ESRRG: variants seen among roughly 807,000 people sequenced by gnomAD.
ESRRG encodes estrogen-related receptor gamma.
Under a neutral mutation model 44.0 loss-of-function variants are expected in ESRRG, and 13 were observed. The ratio of observed to expected loss-of-function variants is 0.30; its 90% CI spans 0.19 to 0.47. The LOEUF is 0.47. Among genes scored for constraint, ESRRG ranks in the 20% least tolerant of loss-of-function variants. ESRRG has a pLI of 1.00. For synonymous variants in ESRRG, 215 were observed against 214.6 expected (o/e 1.00, Z -0.02); for missense variants, 395 against 580.6 (o/e 0.68, Z 3.29).
intron 1 of ESRRG, among the ~76,000 whole-genome samples, chr1:216,994,849 T>A (rs1248689697): frequency 3.9e-5 from 6 of 152,100 alleles, no homozygotes; most frequent in African/African-American, 1.4e-4. Context: ...CCTCTCAAAG[T>A]GCTGGGATTA....
intron 1 of ESRRG, among the ~76,000 whole-genome samples, chr1:217,025,971 G>A (rs952138343): frequency 1.3e-5 from 2 of 152,054 alleles, no homozygotes; most frequent in African/African-American, 2.4e-5. Flanking sequence ...AGAAGAAATA[G>A]CCAAAAAAGG....
intron 5 of ESRRG, among the ~76,000 whole-genome samples, chr1:216,542,114 G>A (rs1165237464): frequency 6.7e-6 from 1 of 150,338 alleles, no homozygotes; most frequent in African/African-American, 2.5e-5. Flanking sequence ...GAGAGAGATA[G>A]AATGTTTTCT....
chr1:217,038,425 G>A (rs1456106558), intron 1 of ESRRG, among the ~76,000 whole-genome samples: 2 of 152,194 alleles, frequency 1.3e-5, no homozygotes, highest in African/African-American at 4.8e-5. Context: ...CTCTATCCCA[G>A]GATAGATGGA....
Position 216,529,569 on chromosome 1 carries a change from G to A in ESRRG, c.863-10148C>T, listed in dbSNP as rs552272259. ...GCCTCTAAAACTCTTTAAAGCTGTC[G>A]AAGAGGCAATCCCAGCTGTAATTTT... On this transcript the variant is annotated intron_variant, in intron 5 of 6. Coordinates refer to ENST00000408911, the MANE Select transcript of ESRRG (RefSeq NM_001438.4). 6.6e-5 allele frequency among the ~76,000 whole-genome samples: 10 copies of A among 151,588 alleles called. No individual in the cohort carries two copies. The South Asian group carries it at 1.7e-3, about 25-fold the overall frequency.
intron 1 of ESRRG, among the ~76,000 whole-genome samples, chr1:216,961,884 T>A (rs946751193): frequency 6.6e-6 from 1 of 152,100 alleles, no homozygotes; most frequent in Non-Finnish European, 1.5e-5. Context: ...CACACACATA[T>A]ACGCACACAA....
chr1:217,062,799 C>T (rs1424105379), intron 1 of ESRRG, among the ~76,000 whole-genome samples: 1 of 152,158 alleles, frequency 6.6e-6, no homozygotes, highest in Non-Finnish European at 1.5e-5. Context: ...ACATCAAACA[C>T]TTTTACGGCT....
At position 216,561,088 on chromosome 1, in the gene ESRRG, T is replaced by G. The variant is rs186648124; in HGVS notation, c.862+3131A>C. Among the ~76,000 whole-genome samples, 309 of 152,238 alleles carry G rather than the reference T, an allele frequency of 2.0e-3. 3 individuals are homozygous for G. The Middle Eastern group carries it at 0.024, about 12-fold the overall frequency. ...GGTCATGTTTCATAACAACACACTTTCCCATTTATATGATTTATTAATGTA... is the reference window on the plus strand; with the variant it reads ...GGTCATGTTTCATAACAACACACTTGCCCATTTATATGATTTATTAATGTA... On this transcript the variant is annotated intron_variant, in intron 5 of 6. Transcript: ENST00000408911.
chr1:216,884,110 G>T (rs2096486652), intron 2 of ESRRG, among the ~76,000 whole-genome samples: 1 of 152,098 alleles, frequency 6.6e-6, no homozygotes, highest in African/African-American at 2.4e-5. Context: ...TCCCCTTTTG[G>T]CTTAGGAGGG....
chr1:216,859,516 G>A (rs1364814525), intron 2 of ESRRG, among the ~76,000 whole-genome samples: 1 of 152,182 alleles, frequency 6.6e-6, no homozygotes, highest in Non-Finnish European at 1.5e-5. Flanking sequence ...ATGCATGCAA[G>A]GAAACTATTG....
chr1:217,014,061 G>A (rs776646158), intron 1 of ESRRG, among the ~76,000 whole-genome samples: 6 of 151,948 alleles, frequency 3.9e-5, no homozygotes, highest in Admixed American at 6.6e-5. Context: ...TCTGCTTGGA[G>A]GATTCCTTTG....
chr1:216,571,178 G>T (rs2060712084), intron 3 of ESRRG, among the ~76,000 whole-genome samples: 1 of 152,126 alleles, frequency 6.6e-6, no homozygotes, highest in South Asian at 2.1e-4. Flanking sequence ...AATTGACAGG[G>T]TTTTTATTAT....
At chr1:216,719,315 G>A (rs890838635) in intron 1 of ESRRG, among the ~76,000 whole-genome samples, 3 of 151,954 alleles carry the variant, frequency 2.0e-5, no homozygotes, top group Non-Finnish European at 4.4e-5. Flanking sequence ...CGGCTAATGA[G>A]ATGGTCCTTA....
chr1:216,939,364 A>C (rs74490185), intron 2 of ESRRG, among the ~76,000 whole-genome samples: 47 of 133,778 alleles, frequency 3.5e-4, no homozygotes, highest in Admixed American at 9.5e-4. Context: ...AAAAAAAAAA[A>C]AAAAAACACT....
At chr1:216,633,486 T>C (rs1243233192) in intron 3 of ESRRG, among the ~76,000 whole-genome samples, 2 of 152,236 alleles carry the variant, frequency 1.3e-5, no homozygotes, top group East Asian at 3.8e-4. Flanking sequence ...ATTGTACATA[T>C]GCTGCATATA....
At chr1:217,008,053 A>T (rs2078008722) in intron 1 of ESRRG, among the ~76,000 whole-genome samples, 1 of 152,198 alleles carries the variant, frequency 6.6e-6, no homozygotes, top group Non-Finnish European at 1.5e-5. Flanking sequence ...AATGTATCCT[A>T]AAGTAGAACT....
At chr1:216,983,369 C>T (rs1229041718) in intron 1 of ESRRG, among the ~76,000 whole-genome samples, 2 of 151,582 alleles carry the variant, frequency 1.3e-5, no homozygotes, top group Non-Finnish European at 2.9e-5. Context: ...ATAGCTAGGA[C>T]TATAGGCATG....
chr1:216,868,522 A>G (rs2096209975), intron 2 of ESRRG, among the ~76,000 whole-genome samples: 1 of 152,180 alleles, frequency 6.6e-6, no homozygotes, highest in South Asian at 2.1e-4. Flanking sequence ...GCGCTGGTAT[A>G]AATAATTATA....
chr1:216,821,689 AAAATAAATAAATAAAT>A (rs199753545), intron 2 of ESRRG, among the ~76,000 whole-genome samples: 3,631 of 113,086 alleles, frequency 0.032, 341 homozygotes, highest in African/African-American at 0.07. Flanking sequence ...TGCCTCAGGA[AAAATAAATAAATAAAT>A]AAATAAATAA....
At chr1:216,626,815 C>A (rs1365546319) in intron 3 of ESRRG, among the ~76,000 whole-genome samples, 1 of 152,214 alleles carries the variant, frequency 6.6e-6, no homozygotes, top group African/African-American at 2.4e-5. Context: ...CCCTTGGCCA[C>A]ACTGCAGTCT....
Sources: gnomAD v4.1 joint callset for allele counts (sites outside exome capture counted in the v4.1 genomes callset) on GRCh38, gnomAD v4.1.1 for gene constraint, MANE v1.5 for transcripts, NCBI Gene and HGNC (gene_info 2026-07-23, HGNC 2026-07-21) for gene names.